VRK3: variants seen among roughly 807,000 people sequenced by gnomAD.
VRK3 encodes the protein VRK serine/threonine kinase 3, also known as serine/threonine-protein kinase VRK3.
Under a neutral mutation model 60.4 loss-of-function variants are expected in VRK3, and 50 were observed. That is an observed-to-expected ratio of 0.83 (90% CI 0.66 to 1.05). VRK3 has a LOEUF of 1.05. Among genes scored for constraint, VRK3 ranks in the 50% least tolerant of loss-of-function variants. The pLI is 0.00. For synonymous variants in VRK3, 246 were observed against 227.8 expected (o/e 1.08, Z -0.72); for missense variants, 549 against 585.3 (o/e 0.94, Z 0.64).
At chr19:49,990,768 T>C (rs2076596731) in intron 10 of VRK3, among the ~76,000 whole-genome samples, 1 of 151,466 alleles carries the variant, frequency 6.6e-6, no homozygotes, top group South Asian at 2.1e-4. Flanking sequence ...GTTTGTGGTG[T>C]TCATTAAAAA....
In VRK3 at chr19:50,000,773, C is replaced by T. The variant is rs748901833; in HGVS notation, c.612+17G>A. 9.3e-6 allele frequency: 15 copies of T among 1,608,638 alleles called. No homozygotes were observed. The highest frequency in any genetic ancestry group is 1.3e-5 in the Non-Finnish European group (15 of 1,177,524). On this transcript the variant is annotated intron_variant, in intron 6 of 14. Transcript: ENST00000316763. ...TCCCTCCCCTCCAAGCTGCCCCCCA[C>T]CTGCAGGGTCACTTACCAGTTTGAG...
At chr19:49,994,666 ACCGC>A in intron 9 of VRK3, 144 bp downstream of exon 9, 1 of 726,792 alleles carries the variant, frequency 1.4e-6, no homozygotes, top group Non-Finnish European at 2.2e-6. Context: ...CTCGGCTCTA[ACCGC>A]CTGCCATGGC....
At chr19:50,022,328 C>T (rs1057413609) in intron 1 of VRK3, among the ~76,000 whole-genome samples, 2 of 152,212 alleles carry the variant, frequency 1.3e-5, no homozygotes, top group South Asian at 4.1e-4. Context: ...GTTCTGACAC[C>T]GTCACCAGCC....
intron 5 of VRK3, among the ~76,000 whole-genome samples, chr19:50,006,897 C>T (rs2076900657): frequency 6.6e-6 from 1 of 152,186 alleles, no homozygotes; most frequent in Non-Finnish European, 1.5e-5. Context: ...CCCTTCCATC[C>T]CACACCTGGG....
chr19:50,019,964 C>T (rs556085672), intron 2 of VRK3, among the ~76,000 whole-genome samples: 5 of 151,916 alleles, frequency 3.3e-5, no homozygotes, highest in African/African-American at 9.6e-5. Flanking sequence ...CTGCAACCTC[C>T]GTCTCCTAGG....
intron 14 of VRK3, 119 bp downstream of exon 14, chr19:49,978,964 G>T: frequency 1.8e-6 from 2 of 1,097,912 alleles, no homozygotes; most frequent in Non-Finnish European, 2.5e-6. Context: ...GTGTCTCCCT[G>T]GGAAGCTGGG....
intron 7 of VRK3, 44 bp from the exon 8 acceptor site, chr19:49,995,319 A>G: frequency 6.4e-7 from 1 of 1,566,954 alleles, no homozygotes; most frequent in Non-Finnish European, 8.8e-7. Context: ...CCCAGTCCCA[A>G]GCCCATGGCA....
chr19:50,011,518 C>T (rs1023104147), intron 3 of VRK3, among the ~76,000 whole-genome samples: 3 of 152,174 alleles, frequency 2.0e-5, no homozygotes, highest in Admixed American at 2.0e-4. Flanking sequence ...AGAAATCTTT[C>T]CAAAATGCAA....
At chr19:50,021,310 G>C (rs577996264) in intron 1 of VRK3, among the ~76,000 whole-genome samples, 1 of 152,226 alleles carries the variant, frequency 6.6e-6, no homozygotes, top group South Asian at 2.1e-4. Context: ...TCCCCCTTTG[G>C]ATCTCGGCAG....
At chr19:50,012,107 G>T (rs904559442) in intron 3 of VRK3, among the ~76,000 whole-genome samples, 1 of 152,162 alleles carries the variant, frequency 6.6e-6, no homozygotes, top group African/African-American at 2.4e-5. Context: ...GAGTAGCTGG[G>T]ATTACAGGCA....
chr19:49,998,793 TAC>T (rs35527514), intron 6 of VRK3: 20,346 of 138,838 alleles, frequency 0.15, 1,553 homozygotes, highest in African/African-American at 0.29. Context: ...TAAACACACA[TAC>T]ACACACACAC....
chr19:50,009,282 G>A lies in VRK3; in HGVS notation c.243C>T (p.Asp81=), dbSNP rs1417270864. The part of the protein sequence containing the change: ...SPRLSLFSDG[D]SSESEDTLSS... ...TCAGAGTATCTTCAGACTCAGAACTGTCACCATCTGAGAAGAGGGATAATC... is the reference window on the plus strand; with the variant it reads ...TCAGAGTATCTTCAGACTCAGAACTATCACCATCTGAGAAGAGGGATAATC... The change falls in exon 4 of 15, where the codon GAC becomes GAT. Residue 81 remains aspartate, a synonymous_variant. Transcript: ENST00000316763. The A allele has an allele frequency of 6.2e-7, 1 of 1,614,176 alleles. No homozygotes were observed. Among genetic ancestry groups the A allele is most frequent in the Non-Finnish European group, 8.5e-7 (1 of 1,180,006 alleles).
At chr19:50,011,477 C>T (rs1291722488) in intron 3 of VRK3, among the ~76,000 whole-genome samples, 1 of 152,190 alleles carries the variant, frequency 6.6e-6, no homozygotes, top group Admixed American at 6.5e-5. Context: ...GTTTCCATGC[C>T]TCGAATCCAT....
intron 12 of VRK3, among the ~76,000 whole-genome samples, chr19:49,983,861 C>T (rs2076466431): frequency 1.3e-5 from 2 of 152,106 alleles, no homozygotes; most frequent in South Asian, 2.1e-4. Context: ...AGACTATGGG[C>T]TGGGGGTGAG....
intron 9 of VRK3, 105 bp from the exon 10 acceptor site, chr19:49,993,057 C>T (rs940379360): frequency 1.8e-5 from 18 of 1,023,788 alleles, no homozygotes; most frequent in Admixed American, 1.2e-4. Context: ...TGGGGTTGTC[C>T]GACACTGTGA....
At chr19:49,979,012 T>C (rs1335313461) in intron 14 of VRK3, 71 bp downstream of exon 14, 1 of 1,487,430 alleles carries the variant, frequency 6.7e-7, no homozygotes, top group African/African-American at 1.4e-5. Flanking sequence ...GGGAAGTGTC[T>C]CCTGGAGCCT....
chr19:50,014,124 G>A (rs1013596787), intron 3 of VRK3, among the ~76,000 whole-genome samples: 17 of 151,990 alleles, frequency 1.1e-4, no homozygotes, highest in Non-Finnish European at 1.6e-4. Flanking sequence ...AAAATCAGCC[G>A]GGCATGGTGG....
chr19:49,995,024 G>A, intron 8 of VRK3, 105 bp from the exon 9 acceptor site: 3 of 1,305,568 alleles, frequency 2.3e-6, no homozygotes, highest in Non-Finnish European at 3.2e-6. Flanking sequence ...CTGGTCCCAG[G>A]TGAGATCAAA....
chr19:49,990,266 T>TA (rs1568782233), intron 10 of VRK3, among the ~76,000 whole-genome samples: 1 of 152,232 alleles, frequency 6.6e-6, no homozygotes, highest in African/African-American at 2.4e-5. Flanking sequence ...TCTCCATTTG[T>TA]AAAATGATGA....
Sources: gnomAD v4.1 joint callset for allele counts (sites outside exome capture counted in the v4.1 genomes callset) on GRCh38, gnomAD v4.1.1 for gene constraint, MANE v1.5 for transcripts, NCBI Gene and HGNC (gene_info 2026-07-23, HGNC 2026-07-21) for gene names.